CPE: variants seen among roughly 807,000 people sequenced by gnomAD.
CPE encodes the protein carbocypeptidase E.
Under a neutral mutation model 53.5 loss-of-function variants are expected in CPE, and 17 were observed. That is an observed-to-expected ratio of 0.32 (90% CI 0.22 to 0.48). CPE has a LOEUF of 0.48. Ranked by LOEUF, CPE falls within the 20% of genes least tolerant of loss-of-function variation. The probability of loss-of-function intolerance (pLI) is 0.99; values close to 1 mark genes in which losing one functional copy is unlikely to be tolerated. For missense variants in CPE, 524 were observed against 614.7 expected, an observed-to-expected ratio of 0.85 and a Z score of 1.56; for synonymous variants, 226 against 228.8, an observed-to-expected ratio of 0.99 and a Z score of 0.11.
At chr4:165,453,557 A>T (rs960926238) in intron 1 of CPE, among the ~76,000 whole-genome samples, 1 of 151,496 alleles carries the variant, frequency 6.6e-6, no homozygotes, top group Non-Finnish European at 1.5e-5. Context: ...GCTAATTTTT[A>T]AATTTTTTGT....
chr4:165,468,404 T>C (rs909441508), intron 3 of CPE, among the ~76,000 whole-genome samples: 2 of 152,160 alleles, frequency 1.3e-5, no homozygotes, highest in African/African-American at 4.8e-5. Context: ...GTCTCCCAGA[T>C]CCGTGCCTCT....
intron 1 of CPE, among the ~76,000 whole-genome samples, chr4:165,414,077 A>G (rs1731084506): frequency 6.6e-6 from 1 of 152,214 alleles, no homozygotes; most frequent in African/African-American, 2.4e-5. Flanking sequence ...AAAGATTTGT[A>G]TGTATTTTCC....
At chr4:165,385,735 A>G (rs770931035) in intron 1 of CPE, among the ~76,000 whole-genome samples, 5 of 152,206 alleles carry the variant, frequency 3.3e-5, no homozygotes, top group Non-Finnish European at 5.9e-5. Context: ...CTCAATAGGA[A>G]CAAAGTGTGC....
chr4:165,379,227 C>A lies in CPE; in HGVS notation c.6C>A (p.Ala2=), dbSNP rs1452620983. The change falls in exon 1 of 9, where the codon GCC becomes GCA. Residue 2 remains alanine (A), a synonymous_variant. Coordinates refer to ENST00000402744, the MANE Select transcript of CPE (RefSeq NM_001873.4). The surrounding 1 kb of genome is among the most constrained non-coding windows in gnomAD (Gnocchi z 6.0). ...GGCGGCGGCGGAGCGCAGCGATGGCCGGGCGAGGGGGCAGCGCGCTGCTGG... is the reference window on the plus strand; with the variant it reads ...GGCGGCGGCGGAGCGCAGCGATGGCAGGGCGAGGGGGCAGCGCGCTGCTGG... M[A]GRGGSALLAL... 7 of 1,231,090 alleles carry A rather than the reference C, an allele frequency of 5.7e-6. No homozygotes were observed. The highest frequency in any genetic ancestry group is 7.1e-6 in the Non-Finnish European group (7 of 989,602). The allele number at this position is 1,231,090 out of a possible 1,614,324, so 76.3% of individuals were successfully genotyped here.
chr4:165,442,652 A>G (rs1731633829), intron 1 of CPE, among the ~76,000 whole-genome samples: 1 of 152,200 alleles, frequency 6.6e-6, no homozygotes, highest in Non-Finnish European at 1.5e-5. Flanking sequence ...TGCACTAGCC[A>G]CATTTCAAGT....
At chr4:165,405,139 C>T in intron 1 of CPE, 1 of 760,666 alleles carries the variant, frequency 1.3e-6, no homozygotes, top group East Asian at 2.4e-5. Context: ...CTTTGTCATT[C>T]AATCCTTTGA....
intron 1 of CPE, among the ~76,000 whole-genome samples, chr4:165,386,887 C>A (rs1468630723): frequency 6.6e-6 from 1 of 152,074 alleles, no homozygotes; most frequent in Non-Finnish European, 1.5e-5. Flanking sequence ...TTTCATTTTC[C>A]TTTTTCTCAT....
rs1301645314 is a variant in CPE at position 165,464,400 on chromosome 4, A to C, written c.318A>C (p.Glu106Asp). ...CTATTAATCTTTTAGGTGAGCCTGA[A>C]TTTAAATACATTGGGAATATGCATG... ...NPGVHEPGEP[E>D]FKYIGNMHGN... is the part of the protein sequence containing the mutation. The change falls in exon 2 of 9, where the codon GAA becomes GAC. Residue 106 changes from glutamate to aspartate, a missense_variant. Coordinates refer to ENST00000402744, the MANE Select transcript of CPE (RefSeq NM_001873.4). The C allele has an allele frequency of 1.2e-6, 2 of 1,605,710 alleles. No individual in the cohort carries two copies. The highest frequency in any genetic ancestry group is 2.2e-5 in the South Asian group (2 of 89,402).
At chr4:165,494,925 A>C (rs914166652) in intron 7 of CPE, among the ~76,000 whole-genome samples, 7 of 152,182 alleles carry the variant, frequency 4.6e-5, no homozygotes, top group Non-Finnish European at 1.0e-4. Flanking sequence ...TTGCTCTTCA[A>C]AGTGTGGCCT....
intron 1 of CPE, among the ~76,000 whole-genome samples, chr4:165,433,395 G>A (rs73009317): frequency 0.013 from 1,932 of 152,266 alleles, 28 homozygotes; most frequent in African/African-American, 0.033. Context: ...GTCTCTCGGA[G>A]CTCAAGGCAG....
intron 1 of CPE, among the ~76,000 whole-genome samples, chr4:165,461,016 A>G (rs765700603): frequency 6.6e-6 from 1 of 151,210 alleles, no homozygotes; most frequent in African/African-American, 2.4e-5. Flanking sequence ...TCTACAAAAA[A>G]ATTAGTTGGG....
intron 8 of CPE, among the ~76,000 whole-genome samples, chr4:165,497,267 G>C (rs915607342): frequency 1.3e-5 from 2 of 152,070 alleles, no homozygotes; most frequent in South Asian, 2.1e-4. Flanking sequence ...GAATTTTGTT[G>C]AATTATATCT....
intron 1 of CPE, among the ~76,000 whole-genome samples, chr4:165,434,993 AC>A (rs1731473262): frequency 4.0e-5 from 6 of 151,868 alleles, no homozygotes. Context: ...TTTCTCTCTC[AC>A]CATATGATCT....
intron 3 of CPE, among the ~76,000 whole-genome samples, chr4:165,472,437 G>A (rs1051274458): frequency 1.3e-5 from 2 of 152,208 alleles, no homozygotes; most frequent in African/African-American, 2.4e-5. Flanking sequence ...TGTTATTTCT[G>A]TGGCACACAA....
chr4:165,445,363 T>C (rs1371179971), intron 1 of CPE, among the ~76,000 whole-genome samples: 1 of 152,176 alleles, frequency 6.6e-6, no homozygotes, highest in Non-Finnish European at 1.5e-5. Context: ...GTGTTATTTA[T>C]CCTTCATACC....
chr4:165,494,658 A>G (rs58288308), intron 7 of CPE, among the ~76,000 whole-genome samples: 34,769 of 152,110 alleles, frequency 0.23, 6,027 homozygotes, highest in African/African-American at 0.48. Context: ...CAGAATAAGA[A>G]AAGAACCATT....
chr4:165,466,759 A>G (rs1732111354), intron 2 of CPE, among the ~76,000 whole-genome samples: 3 of 151,964 alleles, frequency 2.0e-5, no homozygotes, highest in Admixed American at 6.6e-5. Context: ...CTCATGATCC[A>G]CCCACCTTGG....
chr4:165,458,635 A>C (rs899650862), intron 1 of CPE, among the ~76,000 whole-genome samples: 1 of 152,222 alleles, frequency 6.6e-6, no homozygotes, highest in Non-Finnish European at 1.5e-5. Flanking sequence ...ATAGAATTTC[A>C]CAATTTACAA....
chr4:165,490,337 A>T (rs1043145567), intron 6 of CPE, among the ~76,000 whole-genome samples: 1 of 152,184 alleles, frequency 6.6e-6, no homozygotes, highest in Non-Finnish European at 1.5e-5. Flanking sequence ...AAAATTTCTT[A>T]AAGAATGGTT....
Sources: gnomAD v4.1 joint callset for allele counts (sites outside exome capture counted in the v4.1 genomes callset) on GRCh38, gnomAD v4.1.1 for gene constraint, Gnocchi (gnomAD v3.1) non-coding constraint, MANE v1.5 for transcripts, NCBI Gene and HGNC (gene_info 2026-07-23, HGNC 2026-07-21) for gene names.